The following PRDM5 variants were observed in gnomAD, a reference collection of about 807,000 sequenced individuals.
PRDM5 encodes the protein PR domain zinc finger protein 5.
A neutral mutation model predicts 81.2 loss-of-function variants in PRDM5; 56 were observed. The observed-to-expected ratio is 0.69, with a 90% CI of 0.56 to 0.86. The LOEUF is 0.86. Among genes scored for constraint, PRDM5 ranks in the 40% least tolerant of loss-of-function variants. The pLI, the probability that PRDM5 is intolerant of heterozygous loss-of-function variation, is 0.00. For missense variants in PRDM5, 697 were observed against 770.1 expected, an observed-to-expected ratio of 0.91 and a Z score of 1.12; for synonymous variants, 267 against 256.4, an observed-to-expected ratio of 1.04 and a Z score of -0.39.
intron 3 of PRDM5, among the ~76,000 whole-genome samples, chr4:120,824,193 A>G (rs78123399): frequency 0.036 from 5,499 of 152,236 alleles, 327 homozygotes; most frequent in African/African-American, 0.12. Flanking sequence ...TGTTGCCCCA[A>G]TGCTCTGGGA....
intron 2 of PRDM5, among the ~76,000 whole-genome samples, chr4:120,888,577 T>G (rs1384122474): frequency 6.6e-6 from 1 of 152,212 alleles, no homozygotes. Flanking sequence ...GCTATGTAGG[T>G]TCTTGTACAA....
intron 2 of PRDM5, among the ~76,000 whole-genome samples, chr4:120,891,349 T>C (rs767763011): frequency 4.6e-5 from 7 of 152,142 alleles, no homozygotes; most frequent in Non-Finnish European, 8.8e-5. Context: ...TCTGAGGGTT[T>C]TTTGTGTTTC....
intron 10 of PRDM5, among the ~76,000 whole-genome samples, chr4:120,786,790 G>C (rs1340448578): frequency 6.6e-6 from 1 of 152,116 alleles, no homozygotes; most frequent in Non-Finnish European, 1.5e-5. Context: ...ACATAAAACA[G>C]AAGTGTAATG....
chr4:120,868,344 C>T (rs1444388459), intron 2 of PRDM5, among the ~76,000 whole-genome samples: 2 of 152,104 alleles, frequency 1.3e-5, no homozygotes, highest in Admixed American at 1.3e-4. Context: ...CACATTTCTG[C>T]AACTAAATGT....
At position 120,866,065 on chromosome 4, in the gene PRDM5, G is replaced by A. The variant is rs373783129; in HGVS notation, c.178-12525C>T. On this transcript the variant is annotated intron_variant, in intron 2 of 15. Coordinates refer to ENST00000264808, the MANE Select transcript of PRDM5 (RefSeq NM_018699.4). ...GAATTCATCTTTCACACTATTGCCA[G>A]AGTACTCTTTGCAATTCTTCCACCT... Among the ~76,000 whole-genome samples the A allele has an allele frequency of 2.0e-5, 3 of 152,196 alleles. No individual in the cohort carries two copies. The South Asian group carries it at 6.2e-4, about 32-fold the overall frequency.
At chr4:120,745,172 G>C (rs1267772586) in intron 14 of PRDM5, among the ~76,000 whole-genome samples, 6 of 101,764 alleles carry the variant, frequency 5.9e-5, no homozygotes, top group African/African-American at 2.1e-4. Context: ...CAGAGCCAAA[G>C]ACAAAAACCA....
At chr4:120,791,846 G>A (rs1053513838) in intron 10 of PRDM5, among the ~76,000 whole-genome samples, 14 of 152,268 alleles carry the variant, frequency 9.2e-5, no homozygotes, top group South Asian at 2.1e-4. Flanking sequence ...GATTAGTGCC[G>A]TTATCAAAAG....
rs374866663 is a variant in PRDM5 at position 120,710,393 on chromosome 4, T to C, written c.1644A>G (p.Ser548=). The stretch of plus-strand genomic sequence containing the variant: ...TCTGGCTGAAGGCCTTGCTGCACTC[T>C]GAGCACTTGTACGGCTTCTCCTGCA... The part of the protein sequence containing the change: ...THTREKPYKC[S]ECSKAFSQKR... Residue 548 remains serine (S), a synonymous_variant, in exon 15 of 16, where the codon TCA becomes TCG. Coordinates refer to ENST00000264808, the MANE Select transcript of PRDM5 (RefSeq NM_018699.4). The C allele has an allele frequency of 6.2e-7, 1 of 1,614,130 alleles. No individual in the cohort carries two copies. Among genetic ancestry groups the C allele is most frequent in the East Asian group, 2.2e-5 (1 of 44,874 alleles).
rs374086294 is a variant in PRDM5 at position 120,693,421 on chromosome 4, A to T, written c.*1690T>A. On this transcript the variant is annotated 3_prime_UTR_variant, in exon 16 of 16. Coordinates refer to ENST00000264808, the MANE Select transcript of PRDM5 (RefSeq NM_018699.4). ...CTTTAGATCTAAAAATATATTGTTG[A>T]AACAAATGATATAGTGAGAAACAAG... 1.4e-4 allele frequency: 21 copies of T among 152,278 alleles called. No homozygotes were observed. The South Asian group carries it at 4.4e-3, about 32-fold the overall frequency. The allele number at this position is 152,278 out of a possible 1,614,324, so 9.4% of individuals were successfully genotyped here. A position where few individuals can be genotyped will look rare whatever the true frequency, so the allele number is the denominator to read the frequency against.
In PRDM5 at chr4:120,694,334, C is replaced by T. The variant is rs964870924; in HGVS notation, c.*777G>A. On this transcript the variant is annotated 3_prime_UTR_variant, in exon 16 of 16. Transcript: ENST00000264808. ...TTTCTAAAGCTAAATGGTCTAAATT[C>T]AAGAGGGGTAGCCTGCTGAATATTT... 50 of 151,972 alleles carry T rather than the reference C, an allele frequency of 3.3e-4. No homozygotes were observed. Among genetic ancestry groups the T allele is most frequent in the Admixed American group, 9.2e-4 (14 of 15,222 alleles). The allele number at this position is 151,972 out of a possible 1,614,324, so 9.4% of individuals were successfully genotyped here. A position where few individuals can be genotyped will look rare whatever the true frequency, so the allele number is the denominator to read the frequency against.
chr4:120,765,450 C>T (rs556969744), intron 13 of PRDM5, among the ~76,000 whole-genome samples: 1 of 152,262 alleles, frequency 6.6e-6, no homozygotes, highest in South Asian at 2.1e-4. Context: ...CCGTGGATTC[C>T]CTTGCTGAAT....
intron 10 of PRDM5, among the ~76,000 whole-genome samples, 190 bp from the exon 11 acceptor site, chr4:120,785,281 C>G (rs1158484957): frequency 6.6e-6 from 1 of 151,962 alleles, no homozygotes; most frequent in African/African-American, 2.4e-5. Flanking sequence ...GGAAAAATAA[C>G]TTTTGAATGC....
chr4:120,702,508 G>A (rs76160836), intron 15 of PRDM5, among the ~76,000 whole-genome samples: 13,912 of 152,144 alleles, frequency 0.091, 731 homozygotes, highest in Admixed American at 0.13. Flanking sequence ...TTCATGATTT[G>A]CGTTATTTTT....
At chr4:120,801,774 C>G (rs531849091) in intron 8 of PRDM5, among the ~76,000 whole-genome samples, 1 of 152,132 alleles carries the variant, frequency 6.6e-6, no homozygotes, top group Non-Finnish European at 1.5e-5. Context: ...ACTTCCACAG[C>G]GGCTTCAGTT....
intron 14 of PRDM5, among the ~76,000 whole-genome samples, chr4:120,736,470 C>T (rs1189115447): frequency 6.6e-6 from 1 of 152,100 alleles, no homozygotes; most frequent in Non-Finnish European, 1.5e-5. Flanking sequence ...AAGTAATTAG[C>T]AGGGCTGAAA....
chr4:120,825,765 T>C (rs1213794110), intron 3 of PRDM5, among the ~76,000 whole-genome samples: 1 of 152,178 alleles, frequency 6.6e-6, no homozygotes, highest in Non-Finnish European at 1.5e-5. Flanking sequence ...TTAAATGCTC[T>C]GCCCTGGATC....
chr4:120,903,501 T>C (rs907139602), intron 2 of PRDM5, among the ~76,000 whole-genome samples: 1 of 152,314 alleles, frequency 6.6e-6, no homozygotes, highest in Admixed American at 6.5e-5. Flanking sequence ...AAGCAATAAC[T>C]CTGCAATTCT....
At chr4:120,859,119 G>A (rs1030385729) in intron 2 of PRDM5, among the ~76,000 whole-genome samples, 13 of 152,110 alleles carry the variant, frequency 8.5e-5, no homozygotes, top group Non-Finnish European at 1.8e-4. Flanking sequence ...TTAGTAAAAT[G>A]AGGAAACTGG....
intron 2 of PRDM5, among the ~76,000 whole-genome samples, chr4:120,868,982 C>A (rs563446806): frequency 6.6e-6 from 1 of 152,100 alleles, no homozygotes; most frequent in Non-Finnish European, 1.5e-5. Flanking sequence ...ACATAGCCCT[C>A]CTTTGGGATT....
Sources: allele counts gnomAD v4.1 joint callset (sites outside exome capture counted in the v4.1 genomes callset), GRCh38; gene constraint gnomAD v4.1.1; transcripts MANE v1.5; gene names NCBI Gene and HGNC (gene_info 2026-07-23, HGNC 2026-07-21).